The following VEZT variants were observed in gnomAD, a reference collection of about 807,000 sequenced individuals.
The protein encoded by VEZT is vezatin.
VEZT carries 39 observed loss-of-function variants against 79.9 expected under a neutral mutation model. The observed-to-expected ratio is 0.49, with a 90% CI of 0.38 to 0.64. The LOEUF (loss-of-function observed/expected upper bound fraction) is 0.64. Among genes scored for constraint, VEZT ranks in the 30% least tolerant of loss-of-function variants. The pLI is 0.00. For missense variants in VEZT, 837 were observed against 893.1 expected, an observed-to-expected ratio of 0.94 and a Z score of 0.80; for synonymous variants, 325 against 327.6, an observed-to-expected ratio of 0.99 and a Z score of 0.09.
intron 1 of VEZT, among the ~76,000 whole-genome samples, chr12:95,223,459 T>C (rs2057924496): frequency 6.6e-6 from 1 of 152,208 alleles, no homozygotes; most frequent in Non-Finnish European, 1.5e-5. Context: ...TTCTTTTTTT[T>C]GAGACAGAGT....
Position 95,266,522 on chromosome 12 carries a change from CA to C in VEZT, c.601del (p.Ser201AlafsTer18), listed in dbSNP as rs2065569979. 1.2e-6 allele frequency: 2 copies of C among 1,613,884 alleles called. No homozygotes were observed. The highest frequency in any genetic ancestry group is 1.7e-5 in the Admixed American group (1 of 60,004). ...AACTACAAGTGACCCTAAAAAAATACAGCGTTCATTTGGAAGATATGGCCAC... is the reference window on the plus strand; with the variant it reads ...AACTACAAGTGACCCTAAAAAAATACGCGTTCATTTGGAAGATATGGCCAC... ...AKLQVTLKKYSVHLEDMATNS... is the reference protein window; with the variant it reads ...AKLQVTLKKYXVHLEDMATNS... On this transcript the variant is annotated frameshift_variant, in exon 5 of 12. Coordinates refer to ENST00000436874, the MANE Select transcript of VEZT (RefSeq NM_017599.4). LOFTEE classifies it high-confidence loss of function.
At chr12:95,280,260 C>T (rs1269793767) in intron 7 of VEZT, among the ~76,000 whole-genome samples, 8 of 151,998 alleles carry the variant, frequency 5.3e-5, no homozygotes, top group Admixed American at 1.3e-4. Context: ...TGGCCCCAGC[C>T]GTACTGAGCT....
chr12:95,234,464 G>T (rs1461109505), intron 1 of VEZT, among the ~76,000 whole-genome samples: 1 of 151,458 alleles, frequency 6.6e-6, no homozygotes, highest in African/African-American at 2.4e-5. Flanking sequence ...TAATTTTTTT[G>T]TATTTTTTTA....
At chr12:95,272,430 T>G (rs149233101) in intron 6 of VEZT, among the ~76,000 whole-genome samples, 181 of 152,230 alleles carry the variant, frequency 1.2e-3, no homozygotes, top group African/African-American at 3.9e-3. Context: ...TTAGCATGAT[T>G]GGAGTATAGA....
rs1354356497 is a variant in VEZT at position 95,274,727 on chromosome 12, T to C, written c.849-15T>C. 2 of 1,605,490 alleles carry C rather than the reference T, an allele frequency of 1.2e-6. No homozygotes were observed. Among genetic ancestry groups the C allele is most frequent in the East Asian group, 4.5e-5 (2 of 44,678 alleles). Reference sequence around the variant, plus strand: ...TCATGAAAAGGCTTTGTTGATTGCCTTAACCTAATTTAACCTACCCCCTGA... The same window carrying C: ...TCATGAAAAGGCTTTGTTGATTGCCCTAACCTAATTTAACCTACCCCCTGA... On this transcript the variant is annotated splice_polypyrimidine_tract_variant and intron_variant, in intron 6 of 11. Coordinates refer to ENST00000436874, the MANE Select transcript of VEZT (RefSeq NM_017599.4).
Position 95,294,261 on chromosome 12 carries a change from G to A in VEZT, c.1523-11G>A, listed in dbSNP as rs139811931. ...CTTATCTTTATTCCCATCTATTCCC[G>A]TTTTTTAAAGGCAAGCCTGAAATAG... On this transcript the variant is annotated splice_polypyrimidine_tract_variant and intron_variant, in intron 9 of 11. Coordinates refer to ENST00000436874, the MANE Select transcript of VEZT (RefSeq NM_017599.4). 77 of 1,569,688 alleles carry A rather than the reference G, an allele frequency of 4.9e-5. 1 individual carries two copies. In the African/African-American group the frequency reaches 7.7e-4, roughly 16 times the overall value.
chr12:95,273,055 A>G (rs746649774), intron 6 of VEZT, among the ~76,000 whole-genome samples: 90 of 152,232 alleles, frequency 5.9e-4, no homozygotes, highest in Non-Finnish European at 1.2e-3. Flanking sequence ...TCAAAATAAA[A>G]ATCTGCAAAA....
At chr12:95,268,185 A>T (rs1208224183) in intron 5 of VEZT, among the ~76,000 whole-genome samples, 1 of 152,066 alleles carries the variant, frequency 6.6e-6, no homozygotes, top group Non-Finnish European at 1.5e-5. Flanking sequence ...AAGTTTAAAA[A>T]AATCATGCTT....
chr12:95,297,100 CAG>C (rs1715065287), intron 11 of VEZT: 1 of 152,230 alleles, frequency 6.6e-6, no homozygotes. Flanking sequence ...CTGATTTCAG[CAG>C]AGTGGGGTAG....
chr12:95,251,477 A>G (rs892292173), intron 1 of VEZT, among the ~76,000 whole-genome samples: 1 of 152,234 alleles, frequency 6.6e-6, no homozygotes. Flanking sequence ...TTTGTGCTTG[A>G]ATGAATTAAG....
At chr12:95,218,182 G>A (rs902446588) in intron 1 of VEZT, 16 of 282,684 alleles carry the variant, frequency 5.7e-5, no homozygotes, top group Non-Finnish European at 8.2e-5. Context: ...ATGGATGTGC[G>A]GCGGGGGGGA....
At chr12:95,254,186 A>C (rs1166277704) in intron 2 of VEZT, among the ~76,000 whole-genome samples, 1 of 151,398 alleles carries the variant, frequency 6.6e-6, no homozygotes, top group Non-Finnish European at 1.5e-5. Context: ...AAAAATTACC[A>C]CTCACTATGT....
intron 11 of VEZT, among the ~76,000 whole-genome samples, chr12:95,297,973 A>G (rs2074512151): frequency 6.6e-6 from 1 of 152,102 alleles, no homozygotes; most frequent in Admixed American, 6.6e-5. Context: ...TACAAAAATT[A>G]GCCAGGTGTG....
intron 3 of VEZT, among the ~76,000 whole-genome samples, chr12:95,260,218 G>C (rs1297109088): frequency 1.3e-5 from 2 of 148,378 alleles, no homozygotes; most frequent in Non-Finnish European, 3.0e-5. Flanking sequence ...CAATTCTTGT[G>C]CCTCAGCCTC....
chr12:95,254,978 C>T (rs1431216041), intron 2 of VEZT, among the ~76,000 whole-genome samples: 2 of 152,040 alleles, frequency 1.3e-5, no homozygotes, highest in African/African-American at 2.4e-5. Flanking sequence ...AGAGTTTTAG[C>T]AGCAGGCTTC....
intron 7 of VEZT, among the ~76,000 whole-genome samples, chr12:95,277,083 T>G (rs1328382468): frequency 2.0e-5 from 3 of 152,156 alleles, no homozygotes; most frequent in Non-Finnish European, 4.4e-5. Context: ...ATACTTAGGC[T>G]GCTGCAGTAC....
chr12:95,260,070 T>C (rs945203736), intron 3 of VEZT, among the ~76,000 whole-genome samples: 5 of 151,136 alleles, frequency 3.3e-5, no homozygotes, highest in African/African-American at 1.2e-4. Flanking sequence ...TTTGTATTCA[T>C]AGATGATTGT....
In VEZT at chr12:95,256,427, C is replaced by G. The variant is rs955729840; in HGVS notation, c.169-723C>G. The G allele has an allele frequency of 2.5e-5, 11 of 438,594 alleles. No individual in the cohort carries two copies. In the Admixed American group the frequency reaches 4.6e-4, roughly 18 times the overall value. The allele number at this position is 438,594 out of a possible 1,614,324, so 27.2% of individuals were successfully genotyped here. Reference sequence around the variant, plus strand: ...AGTGTTAGCTCCTCTCTGACCTCCTCTTTTCCAATACTTTTTCAGACTTTA... The same window carrying G: ...AGTGTTAGCTCCTCTCTGACCTCCTGTTTTCCAATACTTTTTCAGACTTTA... On this transcript the variant is annotated intron_variant, in intron 2 of 11. Coordinates refer to ENST00000436874, the MANE Select transcript of VEZT (RefSeq NM_017599.4).
At chr12:95,237,070 T>A (rs2060296324) in intron 1 of VEZT, among the ~76,000 whole-genome samples, 1 of 152,226 alleles carries the variant, frequency 6.6e-6, no homozygotes, top group African/African-American at 2.4e-5. Context: ...TACACAGTAC[T>A]ACATTAGACC....
Sources: gnomAD v4.1 joint callset for allele counts (sites outside exome capture counted in the v4.1 genomes callset) on GRCh38, gnomAD v4.1.1 for gene constraint, MANE v1.5 for transcripts, NCBI Gene and HGNC (gene_info 2026-07-23, HGNC 2026-07-21) for gene names.